Variants in ACBD6 observed in about 807,000 individuals in gnomAD.
ACBD6 encodes the protein acyl-CoA-binding domain-containing protein 6.
In ACBD6, 28 loss-of-function variants were observed where a neutral mutation model predicts 37.2. The ratio of observed to expected loss-of-function variants is 0.75; its 90% confidence interval spans 0.56 to 1.03. The LOEUF (loss-of-function observed/expected upper bound fraction) is 1.03. Among genes scored for constraint, ACBD6 ranks in the 50% least tolerant of loss-of-function variants. The probability of loss-of-function intolerance (pLI) is 0.00; values close to 1 mark genes in which losing one functional copy is unlikely to be tolerated. For synonymous variants in ACBD6, 113 were observed against 126.8 expected, an observed-to-expected ratio of 0.89 and a Z score of 0.73; for missense variants, 340 against 337.4, an observed-to-expected ratio of 1.01 and a Z score of -0.06.
At chr1:180,414,207 C>T (rs534963069) in intron 4 of ACBD6, among the ~76,000 whole-genome samples, 2 of 152,146 alleles carry the variant, frequency 1.3e-5, no homozygotes, top group African/African-American at 2.4e-5. Flanking sequence ...TTGTTTCAAT[C>T]GGATTCTCAA....
intron 3 of ACBD6, among the ~76,000 whole-genome samples, chr1:180,475,731 A>G (rs1465022449): frequency 6.6e-6 from 1 of 152,168 alleles, no homozygotes; most frequent in Non-Finnish European, 1.5e-5. Context: ...TAGATACACC[A>G]TAATTTGTTT....
At chr1:180,436,021 T>C (rs771986050) in intron 3 of ACBD6, 4 of 747,212 alleles carry the variant, frequency 5.4e-6, no homozygotes, top group Non-Finnish European at 9.1e-6. Flanking sequence ...TCGTTTAATG[T>C]TGTACGTCTG....
chr1:180,484,129 A>G (rs1363135636), intron 3 of ACBD6, among the ~76,000 whole-genome samples: 1 of 152,192 alleles, frequency 6.6e-6, no homozygotes, highest in African/African-American at 2.4e-5. Flanking sequence ...CCACTTCAGA[A>G]CAGGGTTACC....
At chr1:180,359,317 A>G (rs1258094003) in intron 6 of ACBD6, among the ~76,000 whole-genome samples, 1 of 152,200 alleles carries the variant, frequency 6.6e-6, no homozygotes, top group Non-Finnish European at 1.5e-5. Context: ...GCCAATAAAT[A>G]AAACAAAAAT....
At chr1:180,310,774 C>CT (rs1454949423) in intron 7 of ACBD6, among the ~76,000 whole-genome samples, 2 of 152,160 alleles carry the variant, frequency 1.3e-5, no homozygotes, top group Admixed American at 6.5e-5. Context: ...AGTTGACACT[C>CT]TCATCAGCAA....
chr1:180,434,655 T>A (rs1308619975), intron 3 of ACBD6: 4 of 351,230 alleles, frequency 1.1e-5, no homozygotes, highest in Non-Finnish European at 2.2e-5. Flanking sequence ...AGAAAATCTT[T>A]GAATCTACCT....
At chr1:180,321,675 A>T (rs2149295039) in intron 6 of ACBD6, among the ~76,000 whole-genome samples, 1 of 152,026 alleles carries the variant, frequency 6.6e-6, no homozygotes, top group South Asian at 2.1e-4. Flanking sequence ...CTCAAAAATA[A>T]AAAAAAAGAA....
chr1:180,492,909 G>A (rs1400860277), intron 2 of ACBD6, among the ~76,000 whole-genome samples: 1 of 152,034 alleles, frequency 6.6e-6, no homozygotes, highest in African/African-American at 2.4e-5. Flanking sequence ...AACTGATCCT[G>A]GGGACTTAGT....
intron 6 of ACBD6, among the ~76,000 whole-genome samples, chr1:180,316,343 C>T (rs1650805133): frequency 6.6e-6 from 1 of 151,694 alleles, no homozygotes; most frequent in African/African-American, 2.4e-5. Flanking sequence ...TGCGCACACA[C>T]ACACACACAC....
chr1:180,488,189 A>G (rs184887361), intron 3 of ACBD6, among the ~76,000 whole-genome samples: 1 of 152,296 alleles, frequency 6.6e-6, no homozygotes, highest in East Asian at 1.9e-4. Flanking sequence ...GTGAATCTGG[A>G]TAAAGGCCTT....
At chr1:180,427,230 C>A (rs924239130) in intron 4 of ACBD6, among the ~76,000 whole-genome samples, 1 of 152,136 alleles carries the variant, frequency 6.6e-6, no homozygotes. Context: ...TTTGCCTGAT[C>A]TTTACAAATG....
downstream of ACBD6, among the ~76,000 whole-genome samples, chr1:180,285,294 G>A (rs1649449593): frequency 6.6e-6 from 1 of 152,136 alleles, no homozygotes; most frequent in Non-Finnish European, 1.5e-5. Context: ...ATCCAATTTT[G>A]GATATGTTAA....
chr1:180,323,865 CTTT>C (rs904434230), intron 6 of ACBD6, among the ~76,000 whole-genome samples: 3 of 5,098 alleles, frequency 5.9e-4, no homozygotes, highest in Non-Finnish European at 5.4e-4. Context: ...TACTCTATGT[CTTT>C]TTTTTTTTTT....
At chr1:180,351,584 T>G (rs970969803) in intron 6 of ACBD6, among the ~76,000 whole-genome samples, 1,189 of 4,366 alleles carry the variant, frequency 0.27, 10 homozygotes, top group Middle Eastern at 0.5. Context: ...GATATTACGT[T>G]TTTTTTTTTT....
At chr1:180,353,869 T>A (rs1330845007) in intron 6 of ACBD6, among the ~76,000 whole-genome samples, 1 of 149,380 alleles carries the variant, frequency 6.7e-6, no homozygotes, top group Non-Finnish European at 1.5e-5. Context: ...GCAAAAACAT[T>A]TTAATATAGA....
intron 7 of ACBD6, among the ~76,000 whole-genome samples, chr1:180,291,686 T>G (rs2764464): frequency 0.26 from 39,892 of 151,728 alleles, 7,706 homozygotes; most frequent in African/African-American, 0.54. Context: ...AAGAGTGGAA[T>G]TTTTAAATTT....
chr1:180,457,617 C>CA (rs1649974103), intron 3 of ACBD6, among the ~76,000 whole-genome samples: 1 of 152,042 alleles, frequency 6.6e-6, no homozygotes, highest in African/African-American at 2.4e-5. Context: ...AAATTACAAC[C>CA]ATTTAAGGAG....
At chr1:180,339,383 G>A (rs1190736880) in intron 6 of ACBD6, among the ~76,000 whole-genome samples, 1 of 152,190 alleles carries the variant, frequency 6.6e-6, no homozygotes, top group East Asian at 1.9e-4. Context: ...CCTTTGTAGT[G>A]ACATGGATGA....
At chr1:180,387,768 C>A (rs753801612) in intron 6 of ACBD6, among the ~76,000 whole-genome samples, 1 of 152,204 alleles carries the variant, frequency 6.6e-6, no homozygotes, top group Non-Finnish European at 1.5e-5. Context: ...TTTTAGATTG[C>A]CCCTTTTCCT....
Sources: allele counts gnomAD v4.1 joint callset (sites outside exome capture counted in the v4.1 genomes callset), GRCh38; gene constraint gnomAD v4.1.1; transcripts MANE v1.5; gene names NCBI Gene and HGNC (gene_info 2026-07-23, HGNC 2026-07-21).